The following AP2A2 variants were observed in gnomAD, a reference collection of about 807,000 sequenced individuals.
The protein encoded by AP2A2 is AP-2 complex subunit alpha-2.
AP2A2 carries 32 observed loss-of-function variants against 104.2 expected under a neutral mutation model. That is an observed-to-expected ratio of 0.31 (90% confidence interval 0.23 to 0.41). The LOEUF is 0.41. Among genes scored for constraint, AP2A2 ranks in the 10% least tolerant of loss-of-function variants. The probability of loss-of-function intolerance (pLI) is 1.00; values close to 1 mark genes in which losing one functional copy is unlikely to be tolerated. For missense variants in AP2A2, 912 were observed against 1,261.0 expected, an observed-to-expected ratio of 0.72 and a Z score of 4.19; for synonymous variants, 539 against 533.3, an observed-to-expected ratio of 1.01 and a Z score of -0.15.
At chr11:995,061 C>T (rs1302612216) in intron 14 of AP2A2, among the ~76,000 whole-genome samples, 3 of 152,222 alleles carry the variant, frequency 2.0e-5, no homozygotes, top group African/African-American at 7.2e-5. Context: ...GGCCACTGTG[C>T]CTGCTGGGCA....
At position 925,965 on chromosome 11, in the gene AP2A2, C is replaced by T; in HGVS notation, c.-57C>T. 6.1e-6 allele frequency: 8 copies of T among 1,318,408 alleles called. 1 individual carries two copies. The highest frequency in any genetic ancestry group is 8.0e-6 in the Non-Finnish European group (8 of 1,005,172). The allele number at this position is 1,318,408 out of a possible 1,614,324, so 81.7% of individuals were successfully genotyped here. A position where few individuals can be genotyped will look rare whatever the true frequency, so the allele number is the denominator to read the frequency against. On this transcript the variant is annotated 5_prime_UTR_variant, in exon 1 of 22. Transcript: ENST00000448903. ...CGGCGACCGCACTCCCCGCTTCCCG[C>T]TCCCCGCGCTCCTCCGCCCGGGTCC...
chr11:957,654 A>T (rs903240690), intron 1 of AP2A2, among the ~76,000 whole-genome samples: 2 of 152,232 alleles, frequency 1.3e-5, no homozygotes, highest in African/African-American at 4.8e-5. Context: ...TGTATGTATA[A>T]TATCACAATT....
chr11:985,036 T>C (rs972444700), intron 7 of AP2A2, among the ~76,000 whole-genome samples: 1 of 152,180 alleles, frequency 6.6e-6, no homozygotes, highest in Non-Finnish European at 1.5e-5. Flanking sequence ...CAGGCTGGAG[T>C]GCAGTGACGC....
At chr11:943,683 G>A (rs1853731387) in intron 1 of AP2A2, among the ~76,000 whole-genome samples, 1 of 151,276 alleles carries the variant, frequency 6.6e-6, no homozygotes, top group African/African-American at 2.4e-5. Context: ...GCGAGAATAG[G>A]AGAGTCCGAC....
chr11:997,658 G>A (rs28712619), intron 14 of AP2A2, among the ~76,000 whole-genome samples: 150,052 of 152,290 alleles, frequency 0.99, 73,957 homozygotes, highest in Middle Eastern at 1. Context: ...TAATCCCAGC[G>A]CTTTGGGAGG....
chr11:975,437 G>A (rs535757465), intron 4 of AP2A2, among the ~76,000 whole-genome samples: 3 of 149,492 alleles, frequency 2.0e-5, no homozygotes, highest in South Asian at 2.2e-4. Flanking sequence ...AGCCGACGTC[G>A]GAGAGTAGCG....
chr11:998,080 G>A (rs1363101434), intron 14 of AP2A2, among the ~76,000 whole-genome samples: 1 of 152,260 alleles, frequency 6.6e-6, no homozygotes, highest in African/African-American at 2.4e-5. Flanking sequence ...TCAGGCTGTG[G>A]AGGCCACAGT....
intron 1 of AP2A2, chr11:932,626 T>C: frequency 2.2e-6 from 1 of 451,276 alleles, no homozygotes; most frequent in South Asian, 1.6e-5. Flanking sequence ...GTGTGTTCCT[T>C]AGAAACCAGT....
intron 8 of AP2A2, among the ~76,000 whole-genome samples, chr11:986,153 C>T (rs138272022): frequency 2.6e-5 from 4 of 152,324 alleles, no homozygotes; most frequent in African/African-American, 9.6e-5. Flanking sequence ...AGAATGAGAT[C>T]GCAGTTCTCA....
At chr11:937,984 C>T (rs991216475) in intron 1 of AP2A2, among the ~76,000 whole-genome samples, 1 of 152,222 alleles carries the variant, frequency 6.6e-6, no homozygotes, top group African/African-American at 2.4e-5. Flanking sequence ...CTCTGATTGC[C>T]TGGAGCACCA....
At chr11:982,026 G>T (rs936512163) in intron 6 of AP2A2, among the ~76,000 whole-genome samples, 4 of 152,254 alleles carry the variant, frequency 2.6e-5, no homozygotes, top group African/African-American at 9.6e-5. Context: ...TCATCTGGGT[G>T]TATAGTGGGA....
At position 927,344 on chromosome 11, in the gene AP2A2, C is replaced by T. The variant is rs115787439; in HGVS notation, c.67+1256C>T. 7.7e-3 allele frequency among the ~76,000 whole-genome samples: 1,172 copies of T among 152,118 alleles called. 24 individuals carry two copies. Among genetic ancestry groups the T allele is most frequent in the African/African-American group, 0.027 (1,118 of 41,472 alleles). ...CCTCCCAAAGTCCTGGGGTTACTGG[C>T]GTGAGCCACGGCACCCTCATAATTT... On this transcript the variant is annotated intron_variant, in intron 1 of 21. Transcript: ENST00000448903.
intron 16 of AP2A2, among the ~76,000 whole-genome samples, chr11:1,004,860 G>T (rs1007570839): frequency 1.3e-5 from 2 of 151,936 alleles, no homozygotes; most frequent in African/African-American, 4.8e-5. Flanking sequence ...TCTGCAGGGC[G>T]TGGTGACGTT....
Position 993,193 on chromosome 11 carries a change from C to A in AP2A2, c.1453-91C>A. On this transcript the variant is annotated intron_variant, in intron 11 of 21. Coordinates refer to ENST00000448903, the MANE Select transcript of AP2A2 (RefSeq NM_012305.4). The surrounding 1 kb of genome is among the most constrained non-coding windows in gnomAD (Gnocchi z 8.2). The stretch of plus-strand genomic sequence containing the variant: ...TCTCCAGGAAGCTGAGGGGCTGGTG[C>A]TGGTGTAGGGTGCACCGCGCCAGGA... 1.0e-6 allele frequency: 1 copy of A among 963,038 alleles called. No individual in the cohort carries two copies. The highest frequency in any genetic ancestry group is 1.5e-6 in the Non-Finnish European group (1 of 665,776). The allele number at this position is 963,038 out of a possible 1,614,324, so 59.7% of individuals were successfully genotyped here.
At position 983,024 on chromosome 11, in the gene AP2A2, T is replaced by C. The variant is rs796241012; in HGVS notation, c.706-1621T>C. Among the ~76,000 whole-genome samples the C allele has an allele frequency of 8.9e-4, 123 of 138,076 alleles. 1 individual carries two copies. Among genetic ancestry groups the C allele is most frequent in the African/African-American group, 2.3e-3 (76 of 33,316 alleles). 90.6% of individuals were successfully genotyped at this position (138,076 alleles called of 152,430 possible). On this transcript the variant is annotated intron_variant, in intron 6 of 21. Transcript: ENST00000448903. ...TGTGCATATTTTCTTTTTCTTTTTTTTTTTTTTTTTTTTTGAGTCGGAGTC... is the reference window on the plus strand; with the variant it reads ...TGTGCATATTTTCTTTTTCTTTTTTCTTTTTTTTTTTTTTGAGTCGGAGTC...
intron 2 of AP2A2, among the ~76,000 whole-genome samples, chr11:961,922 G>A (rs995191064): frequency 1.3e-5 from 2 of 148,266 alleles, no homozygotes; most frequent in Non-Finnish European, 3.0e-5. Context: ...TGACAGAGTC[G>A]CCGCCACCAG....
Position 961,745 on chromosome 11 carries a change from G to A in AP2A2, c.136+2240G>A, listed in dbSNP as rs1435893657. ...AGATGGAGATGTGGGTCTGATAGTC[G>A]CCGCCACCAGTGAAAAGTAAAGGGC... On this transcript the variant is annotated intron_variant, in intron 2 of 21. Transcript: ENST00000448903. Among the ~76,000 whole-genome samples the A allele has an allele frequency of 4.4e-5, 6 of 137,150 alleles. 2 individuals are homozygous for A. The highest frequency in any genetic ancestry group is 6.3e-5 in the Non-Finnish European group (4 of 63,956). The allele number at this position is 137,150 out of a possible 152,430, so 90.0% of individuals were successfully genotyped here.
At chr11:975,391 G>A (rs1319051570) in intron 4 of AP2A2, among the ~76,000 whole-genome samples, 2 of 148,698 alleles carry the variant, frequency 1.3e-5, no homozygotes, top group Non-Finnish European at 3.0e-5. Flanking sequence ...GCCGACATTA[G>A]TGAGTAGCAG....
At chr11:937,558 C>T (rs1382453794) in intron 1 of AP2A2, among the ~76,000 whole-genome samples, 1 of 152,198 alleles carries the variant, frequency 6.6e-6, no homozygotes, top group Non-Finnish European at 1.5e-5. Flanking sequence ...CAGCGAGCCA[C>T]GTTTGCGCCA....
Sources: allele counts gnomAD v4.1 joint callset (sites outside exome capture counted in the v4.1 genomes callset), GRCh38; gene constraint gnomAD v4.1.1; non-coding constraint Gnocchi (gnomAD v3.1); transcripts MANE v1.5; gene names NCBI Gene and HGNC (gene_info 2026-07-23, HGNC 2026-07-21).